Variants in DLC1 observed in about 807,000 individuals in gnomAD.
DLC1 encodes the protein rho GTPase-activating protein 7.
DLC1 carries 54 observed loss-of-function variants against 140.3 expected under a neutral mutation model. The observed-to-expected ratio is 0.38, with a 90% CI of 0.31 to 0.48. DLC1 has a LOEUF of 0.48. DLC1 is among the 20% of genes least tolerant of loss of function. DLC1 has a pLI of 0.96. For synonymous variants in DLC1, 986 were observed against 728.1 expected (o/e 1.35, Z -5.70); for missense variants, 2,536 against 1,907.0 (o/e 1.33, Z -6.14).
At chr8:13,249,858 G>A (rs1206273623) in intron 5 of DLC1, among the ~76,000 whole-genome samples, 1 of 152,072 alleles carries the variant, frequency 6.6e-6, no homozygotes. Flanking sequence ...CATGTGACAA[G>A]TCTCCACCCA....
chr8:13,355,273 G>A (rs1310347101), intron 4 of DLC1, among the ~76,000 whole-genome samples: 1 of 152,074 alleles, frequency 6.6e-6, no homozygotes, highest in African/African-American at 2.4e-5. Context: ...CTCACTTGAG[G>A]CCAGGAGTTT....
At chr8:13,504,732 A>G (rs117375046) in intron 1 of DLC1, among the ~76,000 whole-genome samples, 1 of 152,162 alleles carries the variant, frequency 6.6e-6, no homozygotes, top group Non-Finnish European at 1.5e-5. Flanking sequence ...CAAAATTTGG[A>G]TGGGAAATTA....
In DLC1 at chr8:13,520,324, G is replaced by C. The variant is rs374477713; in HGVS notation, c.-125-20128C>G. On this transcript the variant is annotated intron_variant, in intron 1 of 1. Coordinates refer to the DLC1 transcript ENST00000631382. Reference sequence around the variant, plus strand: ...GAGGAAGAGTTCATGCCCTTTGCAGGGACATGGATGAAGCTGGAAACCATC... The same window carrying C: ...GAGGAAGAGTTCATGCCCTTTGCAGCGACATGGATGAAGCTGGAAACCATC... Among the ~76,000 whole-genome samples, 27 of 152,282 alleles carry C rather than the reference G, an allele frequency of 1.8e-4. 1 individual carries two copies. In the East Asian group the frequency reaches 4.1e-3, roughly 23 times the overall value.
chr8:13,572,289 C>G (rs1360878774), intron 1 of DLC1, among the ~76,000 whole-genome samples: 1 of 151,968 alleles, frequency 6.6e-6, no homozygotes, highest in Non-Finnish European at 1.5e-5. Context: ...CGGGGTTTCA[C>G]CGTGTTAGCC....
intron 3 of DLC1, among the ~76,000 whole-genome samples, chr8:13,396,350 C>T (rs886791537): frequency 3.3e-5 from 5 of 152,128 alleles, no homozygotes; most frequent in Admixed American, 1.3e-4. Flanking sequence ...TGAGCTGCTG[C>T]GCCTGGCCTT....
intron 7 of DLC1, 130 bp from the exon 8 acceptor site, chr8:13,102,983 G>A (rs993279140): frequency 2.7e-6 from 2 of 733,094 alleles, no homozygotes; most frequent in South Asian, 3.6e-5. Flanking sequence ...ATACCTAGAG[G>A]AGTATTAGAA....
intron 5 of DLC1, among the ~76,000 whole-genome samples, chr8:13,285,143 G>T (rs1234000952): frequency 6.6e-6 from 1 of 152,170 alleles, no homozygotes; most frequent in Admixed American, 6.5e-5. Context: ...CTGTAAAAGC[G>T]ACAGTAATCA....
At chr8:13,315,490 A>G (rs1832830509) in intron 4 of DLC1, among the ~76,000 whole-genome samples, 2 of 152,226 alleles carry the variant, frequency 1.3e-5, no homozygotes, top group African/African-American at 2.4e-5. Flanking sequence ...TATCTATAAA[A>G]TGTAAGAGGA....
At chr8:13,297,378 A>G (rs968111854) in intron 5 of DLC1, among the ~76,000 whole-genome samples, 2 of 151,142 alleles carry the variant, frequency 1.3e-5, no homozygotes, top group African/African-American at 4.9e-5. Context: ...ATAATTTGGA[A>G]TGTTGGTCAA....
chr8:13,185,850 A>AAAAATCTCT (rs1563146776), intron 5 of DLC1, among the ~76,000 whole-genome samples: 1 of 152,152 alleles, frequency 6.6e-6, no homozygotes, highest in East Asian at 1.9e-4. Context: ...TGGTGGTGAC[A>AAAAATCTCT]AAAATCTCTC....
At chr8:13,579,340 T>TAA (rs1563453896) in intron 1 of DLC1, among the ~76,000 whole-genome samples, 1 of 51,456 alleles carries the variant, frequency 1.9e-5, no homozygotes, top group African/African-American at 1.1e-4. Flanking sequence ...TATATATATA[T>TAA]ATATATATAT....
intron 4 of DLC1, among the ~76,000 whole-genome samples, chr8:13,392,425 G>T (rs1039609360): frequency 6.6e-6 from 1 of 152,122 alleles, no homozygotes; most frequent in Non-Finnish European, 1.5e-5. Context: ...TAAGCCATGC[G>T]TATCTGTCAT....
At chr8:13,389,582 A>C (rs1037899517) in intron 4 of DLC1, among the ~76,000 whole-genome samples, 1 of 152,122 alleles carries the variant, frequency 6.6e-6, no homozygotes, top group Non-Finnish European at 1.5e-5. Flanking sequence ...TTTATGAAAT[A>C]TACCTCAGAA....
chr8:13,141,973 C>T (rs374344683), intron 5 of DLC1, among the ~76,000 whole-genome samples: 2 of 152,260 alleles, frequency 1.3e-5, no homozygotes, highest in South Asian at 4.1e-4. Context: ...TAGGGAGGCA[C>T]CTACTGGGAA....
intron 4 of DLC1, among the ~76,000 whole-genome samples, chr8:13,324,780 A>C (rs972483014): frequency 2.0e-5 from 3 of 152,140 alleles, no homozygotes; most frequent in Non-Finnish European, 4.4e-5. Flanking sequence ...TCTTTACTAA[A>C]CTTGAAAATT....
intron 2 of DLC1, among the ~76,000 whole-genome samples, chr8:13,460,123 G>T (rs144269098): frequency 5.2e-4 from 79 of 152,266 alleles, no homozygotes; most frequent in Admixed American, 1.7e-3. Context: ...AAGAATGGTT[G>T]AGCACATGAG....
chr8:13,116,551 C>A (rs762066971), intron 5 of DLC1, among the ~76,000 whole-genome samples: 1 of 152,188 alleles, frequency 6.6e-6, no homozygotes, highest in Non-Finnish European at 1.5e-5. Flanking sequence ...CTCAACATTG[C>A]ATAATTTATG....
At chr8:13,394,655 T>C (rs1212881159) in intron 3 of DLC1, among the ~76,000 whole-genome samples, 2 of 152,196 alleles carry the variant, frequency 1.3e-5, no homozygotes, top group Admixed American at 6.5e-5. Flanking sequence ...ATCCTCTTTA[T>C]ACATCTCAAC....
chr8:13,131,254 C>G (rs1318490477), intron 5 of DLC1, among the ~76,000 whole-genome samples: 1 of 152,118 alleles, frequency 6.6e-6, no homozygotes, highest in Non-Finnish European at 1.5e-5. Flanking sequence ...ATTAGTCAAC[C>G]TCTTGGAGCT....
Sources: allele counts gnomAD v4.1 joint callset (sites outside exome capture counted in the v4.1 genomes callset), GRCh38; gene constraint gnomAD v4.1.1; transcripts MANE v1.5; gene names NCBI Gene and HGNC (gene_info 2026-07-23, HGNC 2026-07-21).